The following PHF21A variants were observed in gnomAD, a reference collection of about 807,000 sequenced individuals.
The protein encoded by PHF21A is BHC80a.
In PHF21A, 11 loss-of-function variants were observed where a neutral mutation model predicts 82.5. The ratio of observed to expected loss-of-function variants is 0.13; its 90% CI spans 0.08 to 0.22. PHF21A has a LOEUF of 0.22. PHF21A is among the 10% of genes least tolerant of loss of function. PHF21A has a pLI of 1.00. For missense variants in PHF21A, 579 were observed against 837.8 expected, an observed-to-expected ratio of 0.69 and a Z score of 3.81; for synonymous variants, 297 against 302.8, an observed-to-expected ratio of 0.98 and a Z score of 0.20.
chr11:45,937,821 A>C (rs1330145842), intron 16 of PHF21A, among the ~76,000 whole-genome samples: 2 of 152,162 alleles, frequency 1.3e-5, no homozygotes, highest in Non-Finnish European at 2.9e-5. Flanking sequence ...AATTTCCCTT[A>C]ATTTCATTCC....
At chr11:45,939,440 T>A (rs1298136739) in intron 15 of PHF21A, among the ~76,000 whole-genome samples, 3 of 152,166 alleles carry the variant, frequency 2.0e-5, no homozygotes, top group Non-Finnish European at 4.4e-5. Context: ...GGGAAAATAT[T>A]AAGTCAGAAA....
intron 6 of PHF21A, among the ~76,000 whole-genome samples, chr11:46,011,143 G>A (rs1009994037): frequency 7.2e-5 from 11 of 152,058 alleles, no homozygotes; most frequent in Admixed American, 6.6e-5. Flanking sequence ...AGAATTAACC[G>A]TTTTAATTTG....
At chr11:46,049,651 C>G (rs937281602) in intron 6 of PHF21A, among the ~76,000 whole-genome samples, 5 of 152,252 alleles carry the variant, frequency 3.3e-5, no homozygotes, top group Non-Finnish European at 7.3e-5. Flanking sequence ...TGCCAGCATG[C>G]TCCCTTGCAA....
rs548661529 is a variant in PHF21A, at chr11:45,939,245, A to G, written c.1453-933T>C. Among the ~76,000 whole-genome samples the G allele has an allele frequency of 1.4e-4, 21 of 152,362 alleles. 1 individual carries two copies. In the South Asian group the frequency reaches 3.7e-3, roughly 27 times the overall value. Reference sequence around the variant, plus strand: ...TATGTTTTGGTAGAGGACAACCTACATATCATAAATCTTACAGGTACGGAA... The same window carrying G: ...TATGTTTTGGTAGAGGACAACCTACGTATCATAAATCTTACAGGTACGGAA... On this transcript the variant is annotated intron_variant, in intron 15 of 18. Coordinates refer to ENST00000676320, the MANE Select transcript of PHF21A (RefSeq NM_001352027.3).
chr11:45,961,181 G>A lies in PHF21A; in HGVS notation c.996+4134C>T, dbSNP rs1411028975. On this transcript the variant is annotated intron_variant, in intron 10 of 18. Coordinates refer to ENST00000676320, the MANE Select transcript of PHF21A (RefSeq NM_001352027.3). Reference sequence around the variant, plus strand: ...ACTTACATCTCCTCTTCGAACCCACGGTTGCTGGAATTTGCAACTCCTGTT... The same window carrying A: ...ACTTACATCTCCTCTTCGAACCCACAGTTGCTGGAATTTGCAACTCCTGTT... Among the ~76,000 whole-genome samples, 7 of 152,186 alleles carry A rather than the reference G, an allele frequency of 4.6e-5. No homozygotes were observed. In the East Asian group the frequency reaches 7.7e-4, roughly 17 times the overall value.
At chr11:45,972,756 A>G (rs1374009952) in intron 7 of PHF21A, among the ~76,000 whole-genome samples, 2 of 152,236 alleles carry the variant, frequency 1.3e-5, no homozygotes, top group Non-Finnish European at 1.5e-5. Flanking sequence ...TCTACTAAAA[A>G]TACAAAAATC....
chr11:45,953,445 C>T, intron 11 of PHF21A, 82 bp downstream of exon 11: 1 of 803,332 alleles, frequency 1.2e-6, no homozygotes, highest in Non-Finnish European at 2.2e-6. Context: ...TTTCATCATT[C>T]AGAGAGCAGG....
intron 6 of PHF21A, among the ~76,000 whole-genome samples, chr11:46,068,077 G>A (rs1349202542): frequency 6.6e-6 from 1 of 152,156 alleles, no homozygotes; most frequent in African/African-American, 2.4e-5. Flanking sequence ...GAGAGCCCAG[G>A]GAGTAAAGGT....
intron 6 of PHF21A, among the ~76,000 whole-genome samples, chr11:46,054,847 T>G (rs887206849): frequency 6.6e-6 from 1 of 152,150 alleles, no homozygotes. Flanking sequence ...GCTCTACACC[T>G]TGAAGCAATA....
At chr11:45,971,763 T>C (rs2093759699) in intron 7 of PHF21A, among the ~76,000 whole-genome samples, 1 of 152,052 alleles carries the variant, frequency 6.6e-6, no homozygotes. Context: ...TGCAAATCAA[T>C]GAGGTACATG....
intron 9 of PHF21A, among the ~76,000 whole-genome samples, chr11:45,966,312 C>T (rs2093431056): frequency 2.0e-5 from 3 of 152,202 alleles, no homozygotes; most frequent in African/African-American, 7.2e-5. Context: ...TTCTTCCAAT[C>T]TTCTCTTCCT....
At chr11:45,974,930 A>T (rs79492020) in intron 7 of PHF21A, among the ~76,000 whole-genome samples, 10,779 of 152,264 alleles carry the variant, frequency 0.071, 1,551 homozygotes, top group East Asian at 0.6. Context: ...GGCATGGCAA[A>T]TACTGCCAAT....
intron 3 of PHF21A, among the ~76,000 whole-genome samples, chr11:46,090,094 C>A (rs1399440489): frequency 6.6e-6 from 1 of 151,560 alleles, no homozygotes; most frequent in African/African-American, 2.4e-5. Context: ...ATTATCCCAA[C>A]CACATCCAAC....
At chr11:45,995,957 T>A (rs1370145670) in intron 6 of PHF21A, among the ~76,000 whole-genome samples, 1 of 152,162 alleles carries the variant, frequency 6.6e-6, no homozygotes, top group African/African-American at 2.4e-5. Flanking sequence ...TTTATTTATT[T>A]ATTTAGACAC....
chr11:46,010,867 G>T (rs1036475360), intron 6 of PHF21A, among the ~76,000 whole-genome samples: 1 of 152,062 alleles, frequency 6.6e-6, no homozygotes, highest in African/African-American at 2.4e-5. Flanking sequence ...ATTGTTGGGG[G>T]CAATTAAAGT....
intron 10 of PHF21A, among the ~76,000 whole-genome samples, chr11:45,957,764 A>G (rs1422064900): frequency 6.7e-6 from 1 of 150,114 alleles, no homozygotes; most frequent in Non-Finnish European, 1.5e-5. Context: ...AAAAAAAAAA[A>G]AAAAAGAAAA....
intron 6 of PHF21A, among the ~76,000 whole-genome samples, chr11:46,023,235 GT>G (rs2095666150): frequency 6.6e-6 from 1 of 152,184 alleles, no homozygotes; most frequent in African/African-American, 2.4e-5. Context: ...GTAAGCAATG[GT>G]TTCTTAGCCT....
chr11:45,949,207 G>C (rs965298517), intron 13 of PHF21A, among the ~76,000 whole-genome samples, 195 bp downstream of exon 13: 3 of 152,220 alleles, frequency 2.0e-5, no homozygotes, highest in African/African-American at 7.2e-5. Flanking sequence ...TGTATCTGCT[G>C]AAACTTAGGA....
At chr11:45,958,449 T>TACAC (rs60775450) in intron 10 of PHF21A, among the ~76,000 whole-genome samples, 20 of 15,074 alleles carry the variant, frequency 1.3e-3, no homozygotes, top group African/African-American at 1.9e-3. Flanking sequence ...TATATATATA[T>TACAC]ACACACACAC....
Sources: allele counts gnomAD v4.1 joint callset (sites outside exome capture counted in the v4.1 genomes callset), GRCh38; gene constraint gnomAD v4.1.1; transcripts MANE v1.5; gene names NCBI Gene and HGNC (gene_info 2026-07-23, HGNC 2026-07-21).